GP2: variants seen among roughly 807,000 people sequenced by gnomAD.
The protein encoded by GP2 is glycoprotein 2.
Under a neutral mutation model 60.8 loss-of-function variants are expected in GP2, and 58 were observed. The ratio of observed to expected loss-of-function variants is 0.95; its 90% CI spans 0.77 to 1.19. GP2 has a LOEUF of 1.19. Ranked by LOEUF, GP2 falls within the 50% of genes most tolerant of loss-of-function variation. The pLI is 0.00. For synonymous variants in GP2, 280 were observed against 253.4 expected (o/e 1.10, Z -1.00); for missense variants, 647 against 667.4 (o/e 0.97, Z 0.34).
In GP2 at chr16:20,323,838, C is replaced by T; in HGVS notation, c.513G>A (p.Trp171Ter). The change falls in exon 3 of 11, where the codon TGG (tryptophan) becomes TGA (stop). Residue 171 changes from tryptophan to a stop codon, truncating the protein, a stop_gained. Transcript: ENST00000302555. LOFTEE classifies it high-confidence loss of function. ...CACCTGTGCAGTATCTCAGATTACA[C>T]CAGGGAGTGCCTTCCAACCGGTACA... is the stretch of plus-strand genomic sequence containing the variant. The part of the protein sequence containing the change: ...YHVYRLEGTP[W>*]CNLRYCTDPS... 6.2e-7 allele frequency: 1 copy of T among 1,612,204 alleles called. No individual in the cohort carries two copies. The highest frequency in any genetic ancestry group is 8.5e-7 in the Non-Finnish European group (1 of 1,178,970).
At chr16:20,324,326 A>G in intron 2 of GP2, 70 bp from the exon 3 acceptor site, 5 of 1,027,994 alleles carry the variant, frequency 4.9e-6, no homozygotes, top group Non-Finnish European at 5.8e-6. Flanking sequence ...TTTCCCCTCC[A>G]TGCTCTATTT....
chr16:20,319,358 AT>A (rs1441240433), intron 6 of GP2, among the ~76,000 whole-genome samples: 14 of 152,350 alleles, frequency 9.2e-5, no homozygotes, highest in African/African-American at 3.1e-4. Flanking sequence ...TTTCTAGCAC[AT>A]TTAGTAAGCA....
Position 20,314,714 on chromosome 16 carries a change from A to G in GP2, c.1502-13T>C. 1 of 1,590,886 alleles carries G rather than the reference A, an allele frequency of 6.3e-7. No homozygotes were observed. Among genetic ancestry groups the G allele is most frequent in the Non-Finnish European group, 8.6e-7 (1 of 1,158,742 alleles). ...GGAGACTGTGCACCTGTGAACAAGA[A>G]CAGAAGGGGTGGGTTTCCTCAGTCA... On this transcript the variant is annotated splice_polypyrimidine_tract_variant and intron_variant, in intron 9 of 10. Coordinates refer to ENST00000302555, the MANE Select transcript of GP2 (RefSeq NM_001502.4).
chr16:20,323,552 G>T (rs1397634393), intron 3 of GP2: 1 of 597,276 alleles, frequency 1.7e-6, no homozygotes, highest in Non-Finnish European at 3.1e-6. Context: ...TTCTCAAATG[G>T]AGCCAAAATC....
chr16:20,315,600 G>A (rs1015946800), intron 9 of GP2, among the ~76,000 whole-genome samples: 7 of 152,164 alleles, frequency 4.6e-5, no homozygotes, highest in Non-Finnish European at 8.8e-5. Flanking sequence ...CACATGTTTT[G>A]GAATCAGACT....
At chr16:20,323,579 C>T (rs1964439504) in intron 3 of GP2, 2 of 572,566 alleles carry the variant, frequency 3.5e-6, no homozygotes, top group South Asian at 2.1e-5. Context: ...AGCATGAGTT[C>T]TGGATTTTAT....
At chr16:20,319,851 G>A (rs1964297654) in intron 5 of GP2, 83 bp from the exon 6 acceptor site, 2 of 1,151,456 alleles carry the variant, frequency 1.7e-6, no homozygotes, top group Non-Finnish European at 1.3e-6. Flanking sequence ...GATTTCCAGA[G>A]TCAATTTGCT....
chr16:20,315,371 A>C (rs1457395194), intron 9 of GP2, among the ~76,000 whole-genome samples: 3 of 152,208 alleles, frequency 2.0e-5, no homozygotes, highest in Non-Finnish European at 4.4e-5. Flanking sequence ...AAAAACACTA[A>C]CTAAACACTA....
rs749456180 is a variant in GP2, at chr16:20,316,069, C to A, written c.1417-29G>T. 9 of 1,441,002 alleles carry A rather than the reference C, an allele frequency of 6.2e-6. No homozygotes were observed. In the South Asian group the frequency reaches 6.9e-5, roughly 11 times the overall value. The allele number at this position is 1,441,002 out of a possible 1,614,324, so 89.3% of individuals were successfully genotyped here. Reference sequence around the variant, plus strand: ...TAGGGATGATGAACTTTTATTATATCAAAATTTAAATGCCTGGATTCTATC... The same window carrying A: ...TAGGGATGATGAACTTTTATTATATAAAAATTTAAATGCCTGGATTCTATC... On this transcript the variant is annotated intron_variant, in intron 8 of 10. Transcript: ENST00000302555.
At chr16:20,325,388 T>C (rs1964505443) in intron 2 of GP2, among the ~76,000 whole-genome samples, 1 of 152,266 alleles carries the variant, frequency 6.6e-6, no homozygotes, top group South Asian at 2.1e-4. Flanking sequence ...ATATCTGTGA[T>C]AACATAGATA....
At chr16:20,315,513 C>T (rs553537346) in intron 9 of GP2, among the ~76,000 whole-genome samples, 21 of 152,222 alleles carry the variant, frequency 1.4e-4, no homozygotes, top group Non-Finnish European at 2.4e-4. Flanking sequence ...TGCATTTAGA[C>T]GGGATTTAGG....
intron 3 of GP2, 145 bp from the exon 4 acceptor site, chr16:20,323,124 C>T (rs1964417170): frequency 1.6e-6 from 1 of 626,038 alleles, no homozygotes; most frequent in African/African-American, 1.8e-5. Flanking sequence ...AGCCTGACTC[C>T]CAGTCCAATG....
At position 20,318,442 on chromosome 16, in the gene GP2, A is replaced by C. The variant is rs748004710; in HGVS notation, c.1008-12T>G. 2 of 1,611,184 alleles carry C rather than the reference A, an allele frequency of 1.2e-6. No homozygotes were observed. The highest frequency in any genetic ancestry group is 2.2e-5 in the South Asian group (2 of 90,966). On this transcript the variant is annotated splice_polypyrimidine_tract_variant and intron_variant, in intron 6 of 10. Coordinates refer to ENST00000302555, the MANE Select transcript of GP2 (RefSeq NM_001502.4). ...TGACGTTCAGGGAACTGAGAAAAAG[A>C]AAGCCACAAGAGTGGAAACCTCAGA...
intron 6 of GP2, 90 bp downstream of exon 6, chr16:20,319,530 A>G: frequency 2.3e-6 from 2 of 854,676 alleles, no homozygotes; most frequent in Non-Finnish European, 3.8e-6. Context: ...GGCTGGCAGT[A>G]TGGTGTGGAC....
intron 8 of GP2, among the ~76,000 whole-genome samples, chr16:20,316,892 C>T (rs1455108563): frequency 1.3e-5 from 2 of 151,094 alleles, no homozygotes; most frequent in Non-Finnish European, 2.9e-5. Flanking sequence ...TTCTCCATCC[C>T]TCCTGTATTC....
At chr16:20,326,315 T>C in intron 2 of GP2, 23 bp downstream of exon 2, 2 of 1,610,732 alleles carry the variant, frequency 1.2e-6, no homozygotes, top group Non-Finnish European at 1.7e-6. Context: ...ACATCTGAGA[T>C]GCCAGGTGAG....
intron 8 of GP2, 64 bp downstream of exon 8, chr16:20,317,149 A>G: frequency 5.7e-6 from 2 of 349,140 alleles, no homozygotes; most frequent in Non-Finnish European, 9.1e-6. Flanking sequence ...ATATATATGG[A>G]AAGCCTATCA....
At chr16:20,324,566 T>C (rs1309741798) in intron 2 of GP2, among the ~76,000 whole-genome samples, 1 of 152,168 alleles carries the variant, frequency 6.6e-6, no homozygotes, top group African/African-American at 2.4e-5. Context: ...ATATTTGTTT[T>C]TCTCATTATA....
In GP2 at chr16:20,309,918, G is replaced by GT. The variant is rs1245922653; in HGVS notation, c.*1304_*1305insA. On this transcript the variant is annotated 3_prime_UTR_variant, in exon 11 of 11. Coordinates refer to ENST00000302555, the MANE Select transcript of GP2 (RefSeq NM_001502.4). ...CACATTGGAACGTCTCCTCCAAGCA[G>GT]ATACACAGGCTCGGCACCTGCTGGT... 6.6e-6 allele frequency: 1 copy of GT among 152,132 alleles called. No homozygotes were observed. Among genetic ancestry groups the GT allele is most frequent in the Non-Finnish European group, 1.5e-5 (1 of 68,052 alleles). 9.4% of individuals were successfully genotyped at this position (152,132 alleles called of 1,614,324 possible). A position where few individuals can be genotyped will look rare whatever the true frequency, so the allele number is the denominator to read the frequency against.
Sources: allele counts gnomAD v4.1 joint callset (sites outside exome capture counted in the v4.1 genomes callset), GRCh38; gene constraint gnomAD v4.1.1; transcripts MANE v1.5; gene names NCBI Gene and HGNC (gene_info 2026-07-23, HGNC 2026-07-21).